Variants in SYNE2 observed in about 807,000 individuals in gnomAD.
SYNE2 encodes the protein nesprin-2.
Under a neutral mutation model 856.3 loss-of-function variants are expected in SYNE2, and 431 were observed. The observed-to-expected ratio is 0.50, with a 90% CI of 0.47 to 0.55. The LOEUF (loss-of-function observed/expected upper bound fraction) is 0.55, where lower values mean the gene tolerates loss of function less well. Ranked by LOEUF, SYNE2 falls within the 20% of genes least tolerant of loss-of-function variation. The pLI, the probability that SYNE2 is intolerant of heterozygous loss-of-function variation, is 0.00. For missense variants in SYNE2, 8,129 were observed against 8,023.2 expected, an observed-to-expected ratio of 1.01 and a Z score of -0.50; for synonymous variants, 2,923 against 2,872.3, an observed-to-expected ratio of 1.02 and a Z score of -0.56.
At chr14:64,077,682 A>C (rs1375600127) in intron 54 of SYNE2, among the ~76,000 whole-genome samples, 1 of 152,202 alleles carries the variant, frequency 6.6e-6, no homozygotes, top group Non-Finnish European at 1.5e-5. Flanking sequence ...CAAAAGCATA[A>C]AGTATTATTT....
intron 83 of SYNE2, among the ~76,000 whole-genome samples, chr14:64,145,686 T>C (rs1005293425): frequency 5.9e-5 from 9 of 152,178 alleles, no homozygotes; most frequent in Non-Finnish European, 1.0e-4. Context: ...TTTATTGATA[T>C]TGGTAGAAAT....
intron 11 of SYNE2, among the ~76,000 whole-genome samples, chr14:63,968,456 T>C (rs1441969288): frequency 6.6e-6 from 1 of 152,208 alleles, no homozygotes; most frequent in East Asian, 1.9e-4. Context: ...GCGGCTTCTC[T>C]ACTATCATGT....
At chr14:63,779,530 T>C (rs146236048) in intron 1 of SYNE2, among the ~76,000 whole-genome samples, 3,021 of 151,864 alleles carry the variant, frequency 0.02, 42 homozygotes, top group Admixed American at 0.032. Context: ...GAATTATTTT[T>C]TGTAAGATCA....
chr14:63,884,148 A>G (rs890222406), intron 1 of SYNE2, among the ~76,000 whole-genome samples: 1 of 152,146 alleles, frequency 6.6e-6, no homozygotes, highest in Non-Finnish European at 1.5e-5. Flanking sequence ...AGGGTAAGTA[A>G]AATGGAGAAA....
chr14:63,956,945 A>T (rs1185486103), intron 8 of SYNE2, among the ~76,000 whole-genome samples: 1 of 152,164 alleles, frequency 6.6e-6, no homozygotes, highest in African/African-American at 2.4e-5. Flanking sequence ...AACTCCTGTG[A>T]CCATTAGCAG....
intron 99 of SYNE2, among the ~76,000 whole-genome samples, chr14:64,199,179 G>A (rs2098551505): frequency 6.6e-6 from 1 of 152,170 alleles, no homozygotes; most frequent in South Asian, 2.1e-4. Flanking sequence ...TGTATCCTGA[G>A]CTATGAGTCC....
intron 105 of SYNE2, among the ~76,000 whole-genome samples, chr14:64,213,845 T>C (rs566423300): frequency 3.3e-5 from 5 of 152,364 alleles, no homozygotes; most frequent in Admixed American, 2.6e-4. Context: ...TTTTCAAAAA[T>C]AGTCTGATTC....
chr14:64,051,726 C>T lies in SYNE2; in HGVS notation c.7813C>T (p.His2605Tyr), dbSNP rs1374348264. 2 of 1,614,174 alleles carry T rather than the reference C, an allele frequency of 1.2e-6. No individual in the cohort carries two copies. The highest frequency in any genetic ancestry group is 1.1e-5 in the South Asian group (1 of 91,084). The change falls in exon 48 of 116, where the codon CAT (histidine) becomes TAT (tyrosine). Residue 2605 changes from histidine to tyrosine, a missense_variant. Physicochemically the swap from His to Tyr is moderately conservative, Grantham distance 83 (BLOSUM62 2). Transcript: ENST00000555002. ...LLESQIKQLE[H>Y]GWEQVEQQIQ... is the part of the protein sequence containing the mutation. ...GGAAAGCCAGATTAAGCAACTTGAA[C>T]ATGGTTGGGAACAAGTGGAACAGCA... is the stretch of plus-strand genomic sequence containing the variant.
intron 83 of SYNE2, 29 bp from the exon 84 acceptor site, chr14:64,146,039 C>G (rs1200340790): frequency 6.8e-7 from 1 of 1,476,544 alleles, no homozygotes; most frequent in Non-Finnish European, 9.2e-7. Context: ...TACATTTTAA[C>G]ATTTTTTGTA....
At position 64,137,934 on chromosome 14, in the gene SYNE2, A is replaced by G. The variant is rs373018194; in HGVS notation, c.14794A>G (p.Ile4932Val). The G allele has an allele frequency of 7.4e-6, 12 of 1,614,052 alleles. No homozygotes were observed. The African/African-American group carries it at 1.5e-4, about 20-fold the overall frequency. ...EEQWLSLNKK[I>V]DHELHRLQAL... ...GCAGTGGTTGTCCCTGAACAAGAAAATTGACCATGAGCTCCACAGGCTGCA... is the reference window on the plus strand; with the variant it reads ...GCAGTGGTTGTCCCTGAACAAGAAAGTTGACCATGAGCTCCACAGGCTGCA... Residue 4932 changes from isoleucine to valine, a missense_variant, in exon 79 of 116, where the codon ATT becomes GTT. Coordinates refer to ENST00000555002, the MANE Select transcript of SYNE2 (RefSeq NM_182914.3).
chr14:63,852,059 G>A (rs375600922), upstream of SYNE2, among the ~76,000 whole-genome samples: 34 of 147,636 alleles, frequency 2.3e-4, no homozygotes, highest in East Asian at 5.8e-3. Flanking sequence ...AGGAGGTAGA[G>A]GCTGCAGTGA....
intron 84 of SYNE2, among the ~76,000 whole-genome samples, chr14:64,150,311 A>G (rs1438972391): frequency 6.8e-6 from 1 of 147,820 alleles, no homozygotes; most frequent in Admixed American, 6.7e-5. Flanking sequence ...AAAAAAAAAA[A>G]AAAAAAAAAA....
In SYNE2 at chr14:64,134,120, A is replaced by G. The variant is rs977993651; in HGVS notation, c.14566A>G (p.Ile4856Val). 1 of 1,614,070 alleles carries G rather than the reference A, an allele frequency of 6.2e-7. No homozygotes were observed. Among genetic ancestry groups the G allele is most frequent in the Non-Finnish European group, 8.5e-7 (1 of 1,179,934 alleles). The change falls in exon 78 of 116, where the codon ATT becomes GTT. Residue 4856 changes from isoleucine to valine, a missense_variant. Around this residue, in one of 3 missense-constraint regions of SYNE2, gnomAD observed 5,410 missense variants for 5,284.8 expected, o/e 1.02. Coordinates refer to ENST00000555002, the MANE Select transcript of SYNE2 (RefSeq NM_182914.3). ...NYASLEKDLEILISTLPSVSL... is the reference protein window; with the variant it reads ...NYASLEKDLEVLISTLPSVSL... ...TGCATCTCTTGAAAAGGACCTGGAAATTCTTATATCTACATTGCCCTCTGT... is the reference window on the plus strand; with the variant it reads ...TGCATCTCTTGAAAAGGACCTGGAAGTTCTTATATCTACATTGCCCTCTGT...
chr14:63,841,918 C>A (rs1293624331), intron 1 of SYNE2, among the ~76,000 whole-genome samples: 23 of 148,878 alleles, frequency 1.5e-4, no homozygotes, highest in Non-Finnish European at 1.3e-4. Flanking sequence ...CTGCAAGCTC[C>A]ACCTCCTAAG....
intron 34 of SYNE2, among the ~76,000 whole-genome samples, chr14:64,018,842 GC>G (rs2096914813): frequency 6.6e-6 from 1 of 152,138 alleles, no homozygotes; most frequent in South Asian, 2.1e-4. Flanking sequence ...TCTTTATAGA[GC>G]TTCAAGAAAA....
At chr14:63,789,780 A>G (rs1330930993) in intron 1 of SYNE2, among the ~76,000 whole-genome samples, 1 of 151,384 alleles carries the variant, frequency 6.6e-6, no homozygotes, top group Non-Finnish European at 1.5e-5. Context: ...GTCTCAAAAA[A>G]AAAAAAAGAA....
chr14:64,152,256 C>T (rs1046872908), intron 84 of SYNE2, among the ~76,000 whole-genome samples: 2 of 152,112 alleles, frequency 1.3e-5, no homozygotes, highest in East Asian at 1.9e-4. Flanking sequence ...CTGAAAGGTT[C>T]GATGACTTAT....
rs1245615531 is a variant in SYNE2 at position 63,968,979 on chromosome 14, C to G, written c.1128+1133C>G. On this transcript the variant is annotated intron_variant, in intron 11 of 115. Transcript: ENST00000555002. ...GTACCCATTAACCATCTCCATTTCCCCTTACTGCCCTTCCCAGCCTCTGGT... is the reference window on the plus strand; with the variant it reads ...GTACCCATTAACCATCTCCATTTCCGCTTACTGCCCTTCCCAGCCTCTGGT... 2.0e-5 allele frequency among the ~76,000 whole-genome samples: 3 copies of G among 152,150 alleles called. No individual in the cohort carries two copies. In the East Asian group the frequency reaches 5.8e-4, roughly 29 times the overall value.
chr14:64,116,790 A>G (rs974619368), intron 66 of SYNE2, among the ~76,000 whole-genome samples: 1 of 152,238 alleles, frequency 6.6e-6, no homozygotes, highest in Non-Finnish European at 1.5e-5. Context: ...ATTGATTACA[A>G]AAGTGAAGAA....
Sources: allele counts gnomAD v4.1 joint callset (sites outside exome capture counted in the v4.1 genomes callset), GRCh38; gene constraint gnomAD v4.1.1; regional missense constraint gnomAD v4.1.1; transcripts MANE v1.5; gene names NCBI Gene and HGNC (gene_info 2026-07-23, HGNC 2026-07-21).